The following LRMDA variants were observed in gnomAD, a reference collection of about 807,000 sequenced individuals.
LRMDA encodes leucine-rich melanocyte differentiation-associated protein.
A neutral mutation model predicts 29.8 loss-of-function variants in LRMDA; 18 were observed. That is an observed-to-expected ratio of 0.60 (90% CI 0.42 to 0.90). The LOEUF (loss-of-function observed/expected upper bound fraction) is 0.90. Among genes scored for constraint, LRMDA ranks in the 40% least tolerant of loss-of-function variants. The probability of loss-of-function intolerance (pLI) is 0.00; values close to 1 mark genes in which losing one functional copy is unlikely to be tolerated. For missense variants in LRMDA, 273 were observed against 273.9 expected, an observed-to-expected ratio of 1.00 and a Z score of 0.02; for synonymous variants, 125 against 109.4, an observed-to-expected ratio of 1.14 and a Z score of -0.89.
chr10:76,214,962 A>T (rs543991439), intron 5 of LRMDA, among the ~76,000 whole-genome samples: 2 of 152,314 alleles, frequency 1.3e-5, no homozygotes, highest in South Asian at 2.1e-4. Flanking sequence ...CACATAACTA[A>T]TGGGGCCCAA....
rs1019709461 is a variant in LRMDA at position 75,948,804 on chromosome 10, C to A, written c.132-87204C>A. Among the ~76,000 whole-genome samples, 3 of 151,946 alleles carry A rather than the reference C, an allele frequency of 2.0e-5. No individual in the cohort carries two copies. In the South Asian group the frequency reaches 6.2e-4, roughly 32 times the overall value. ...CATGGCTGCTGTGGTGATTTACTTG[C>A]CATCAGATGATGTTGGTGTCCGGTT... On this transcript the variant is annotated intron_variant, in intron 2 of 6. Transcript: ENST00000611255.
intron 2 of LRMDA, among the ~76,000 whole-genome samples, chr10:75,562,476 T>G (rs1218361966): frequency 6.6e-6 from 1 of 152,166 alleles, no homozygotes; most frequent in Non-Finnish European, 1.5e-5. Context: ...GGGTCTTGAC[T>G]CTATCCAATT....
At chr10:76,093,367 A>C (rs1220503951) in intron 5 of LRMDA, among the ~76,000 whole-genome samples, 2 of 150,770 alleles carry the variant, frequency 1.3e-5, no homozygotes, top group South Asian at 4.2e-4. Context: ...AAAAGAAAGG[A>C]TCTTCCCCTC....
intron 6 of LRMDA, among the ~76,000 whole-genome samples, chr10:76,363,211 A>AGGGAGGGAAGGG (rs1564520715): frequency 2.0e-4 from 2 of 10,052 alleles, no homozygotes; most frequent in Admixed American, 4.7e-4. Flanking sequence ...GGAGGGAGGG[A>AGGGAGGGAAGGG]AGGAAGAGAA....
chr10:75,993,752 A>T (rs534772291), intron 2 of LRMDA, among the ~76,000 whole-genome samples: 16 of 151,404 alleles, frequency 1.1e-4, no homozygotes, highest in Middle Eastern at 3.2e-3. Context: ...AAAAGAAACC[A>T]TGACTCATTT....
chr10:75,942,024 G>A (rs1457448442), intron 2 of LRMDA, among the ~76,000 whole-genome samples: 1 of 152,122 alleles, frequency 6.6e-6, no homozygotes, highest in Non-Finnish European at 1.5e-5. Flanking sequence ...TGTAATCACA[G>A]CGTGTAGGGT....
intron 2 of LRMDA, among the ~76,000 whole-genome samples, chr10:75,753,140 T>G (rs776380619): frequency 6.6e-6 from 1 of 152,176 alleles, no homozygotes; most frequent in African/African-American, 2.4e-5. Flanking sequence ...AATCTGAAGG[T>G]ACCCTGTTCA....
intron 2 of LRMDA, among the ~76,000 whole-genome samples, chr10:75,849,768 T>C (rs2132309471): frequency 6.6e-6 from 1 of 152,078 alleles, no homozygotes; most frequent in East Asian, 1.9e-4. Context: ...AAAATAAAAA[T>C]TTAAAAAAGC....
intron 6 of LRMDA, among the ~76,000 whole-genome samples, chr10:76,386,346 C>G (rs1401600640): frequency 1.3e-5 from 2 of 152,214 alleles, no homozygotes; most frequent in East Asian, 3.8e-4. Flanking sequence ...TTTAGACCCT[C>G]TATCTCTCAA....
At chr10:76,266,386 T>G (rs1447469971) in intron 5 of LRMDA, among the ~76,000 whole-genome samples, 1 of 152,158 alleles carries the variant, frequency 6.6e-6, no homozygotes, top group Non-Finnish European at 1.5e-5. Flanking sequence ...AGGCTGACAA[T>G]TTCTTATTTA....
At chr10:75,944,493 T>A (rs1485007844) in intron 2 of LRMDA, among the ~76,000 whole-genome samples, 1 of 151,864 alleles carries the variant, frequency 6.6e-6, no homozygotes, top group Non-Finnish European at 1.5e-5. Context: ...TCATATATAT[T>A]TTTTTCTGCT....
intron 2 of LRMDA, among the ~76,000 whole-genome samples, chr10:75,690,163 A>G (rs190091846): frequency 6.6e-6 from 1 of 152,340 alleles, no homozygotes; most frequent in Non-Finnish European, 1.5e-5. Flanking sequence ...AGTTTGGGAA[A>G]CAGTGGCATG....
At chr10:76,393,034 T>G (rs960008103) in intron 6 of LRMDA, among the ~76,000 whole-genome samples, 1 of 152,194 alleles carries the variant, frequency 6.6e-6, no homozygotes, top group Non-Finnish European at 1.5e-5. Flanking sequence ...TAAGGCTAAA[T>G]AGTAGTTCAT....
chr10:75,435,889 A>T (rs921602758), intron 1 of LRMDA, among the ~76,000 whole-genome samples: 2 of 152,118 alleles, frequency 1.3e-5, no homozygotes, highest in Non-Finnish European at 2.9e-5. Flanking sequence ...AAGCCAAAAC[A>T]TGATGATAGA....
chr10:76,290,537 C>G (rs545546709), intron 5 of LRMDA, among the ~76,000 whole-genome samples: 21 of 150,734 alleles, frequency 1.4e-4, no homozygotes, highest in Middle Eastern at 3.4e-3. Context: ...ATTCTTGTGC[C>G]TCAGCCTCCC....
At chr10:76,419,073 T>A (rs780196658) in intron 6 of LRMDA, among the ~76,000 whole-genome samples, 2 of 152,112 alleles carry the variant, frequency 1.3e-5, no homozygotes, top group Non-Finnish European at 2.9e-5. Context: ...TTGATTAATC[T>A]ACATTAACAC....
At chr10:76,553,295 T>G (rs1843516927) in intron 6 of LRMDA, among the ~76,000 whole-genome samples, 1 of 152,206 alleles carries the variant, frequency 6.6e-6, no homozygotes, top group African/African-American at 2.4e-5. Context: ...ATTAAATGTG[T>G]TGTTCCCCCT....
At chr10:76,291,932 G>GCACACACACA (rs34113053) in intron 5 of LRMDA, among the ~76,000 whole-genome samples, 2 of 148,478 alleles carry the variant, frequency 1.3e-5, no homozygotes, top group African/African-American at 5.0e-5. Flanking sequence ...ACACACACGT[G>GCACACACACA]CACACACACA....
At chr10:76,229,660 C>T (rs916299491) in intron 5 of LRMDA, among the ~76,000 whole-genome samples, 7 of 152,076 alleles carry the variant, frequency 4.6e-5, no homozygotes, top group African/African-American at 1.7e-4. Flanking sequence ...TCTGAGACTG[C>T]TTCTTTAGTT....
Sources: gnomAD v4.1 joint callset for allele counts (sites outside exome capture counted in the v4.1 genomes callset) on GRCh38, gnomAD v4.1.1 for gene constraint, MANE v1.5 for transcripts, NCBI Gene and HGNC (gene_info 2026-07-23, HGNC 2026-07-21) for gene names.